GLP1R: variants seen among roughly 807,000 people sequenced by gnomAD.
GLP1R encodes glucagon-like peptide 1 receptor.
A neutral mutation model predicts 68.4 loss-of-function variants in GLP1R; 32 were observed. The ratio of observed to expected loss-of-function variants is 0.47; its 90% CI spans 0.35 to 0.63. The LOEUF is 0.63. Ranked by LOEUF, GLP1R falls within the 20% of genes least tolerant of loss-of-function variation. The pLI is 0.00. For missense variants in GLP1R, 502 were observed against 594.9 expected (o/e 0.84, Z 1.62); for synonymous variants, 263 against 244.4 (o/e 1.08, Z -0.71).
In GLP1R at chr6:39,078,391, C is replaced by T. The variant is rs756389720; in HGVS notation, c.884+9C>T. ...CTCTATGAGGACGAGGGGTGAGTGT[C>T]CTGCTCCAAGGGGGCGGGTGTGCCC... is the stretch of plus-strand genomic sequence containing the variant. On this transcript the variant is annotated intron_variant, in intron 8 of 12. Coordinates refer to ENST00000373256, the MANE Select transcript of GLP1R (RefSeq NM_002062.5). 14 of 1,603,778 alleles carry T rather than the reference C, an allele frequency of 8.7e-6. No homozygotes were observed. Among genetic ancestry groups the T allele is most frequent in the Non-Finnish European group, 1.1e-5 (13 of 1,170,612 alleles).
At chr6:39,063,610 T>C (rs1391198302) in intron 3 of GLP1R, among the ~76,000 whole-genome samples, 3 of 152,086 alleles carry the variant, frequency 2.0e-5, no homozygotes, top group Non-Finnish European at 4.4e-5. Context: ...AATTTCTGTG[T>C]CTTGAAGGGG....
chr6:39,063,087 G>C (rs571260141), intron 3 of GLP1R, among the ~76,000 whole-genome samples: 7 of 152,168 alleles, frequency 4.6e-5, no homozygotes, highest in African/African-American at 1.7e-4. Flanking sequence ...GTCTTTAGAT[G>C]GTTTGTGTGC....
intron 1 of GLP1R, among the ~76,000 whole-genome samples, chr6:39,051,163 TG>T (rs1768078934): frequency 6.6e-6 from 1 of 152,138 alleles, no homozygotes; most frequent in Non-Finnish European, 1.5e-5. Context: ...CAGACACAAC[TG>T]GATTCAAATA....
At chr6:39,082,441 G>A (rs997016777) in intron 12 of GLP1R, among the ~76,000 whole-genome samples, 4 of 152,164 alleles carry the variant, frequency 2.6e-5, no homozygotes, top group African/African-American at 7.2e-5. Flanking sequence ...TGCTGGGGAG[G>A]TGAAGGCAGC....
At chr6:39,066,112 C>G in intron 4 of GLP1R, 85 bp from the exon 5 acceptor site, 1 of 788,826 alleles carries the variant, frequency 1.3e-6, no homozygotes, top group East Asian at 2.6e-5. Flanking sequence ...GGGGCCCCAG[C>G]TCTGTCTCTG....
rs1383929150 is a variant in GLP1R at position 39,056,377 on chromosome 6, C to T, written c.79-20C>T. ...GGGCTGGCTGAACCCACAGGCCTCC[C>T]ATATATGCCCTCCCCCCAGGGTGCC... On this transcript the variant is annotated intron_variant, in intron 1 of 12. Coordinates refer to ENST00000373256, the MANE Select transcript of GLP1R (RefSeq NM_002062.5). The T allele has an allele frequency of 7.4e-7, 1 of 1,354,254 alleles. No individual in the cohort carries two copies. The highest frequency in any genetic ancestry group is 1.2e-5 in the South Asian group (1 of 85,380). 83.9% of individuals were successfully genotyped at this position (1,354,254 alleles called of 1,614,324 possible).
chr6:39,071,310 C>A (rs936447976), intron 5 of GLP1R, among the ~76,000 whole-genome samples: 1 of 134,638 alleles, frequency 7.4e-6, no homozygotes, highest in Non-Finnish European at 1.5e-5. Flanking sequence ...CACGTCACTG[C>A]ACTCCAGCTT....
At chr6:39,057,902 C>G (rs543548389) in intron 3 of GLP1R, among the ~76,000 whole-genome samples, 2 of 152,174 alleles carry the variant, frequency 1.3e-5, no homozygotes, top group East Asian at 1.9e-4. Context: ...GCTCCCTCCC[C>G]CACCGTCCCC....
intron 5 of GLP1R, among the ~76,000 whole-genome samples, chr6:39,068,704 T>TA (rs1768583591): frequency 6.6e-6 from 1 of 152,116 alleles, no homozygotes; most frequent in Non-Finnish European, 1.5e-5. Flanking sequence ...GCAGCTAGGG[T>TA]AGCCAAGGAG....
Position 39,079,109 on chromosome 6 carries a change from C to T in GLP1R, c.955-3C>T. 1.2e-6 allele frequency: 2 copies of T among 1,613,818 alleles called. No homozygotes were observed. The highest frequency in any genetic ancestry group is 1.7e-6 in the Non-Finnish European group (2 of 1,179,688). ...CCTGCCAATCCCCGGCCCCACCCCGCAGGTGAACTTCCTCATCTTTGTTCG... is the reference window on the plus strand; with the variant it reads ...CCTGCCAATCCCCGGCCCCACCCCGTAGGTGAACTTCCTCATCTTTGTTCG... On this transcript the variant is annotated splice_polypyrimidine_tract_variant and splice_region_variant and intron_variant, in intron 9 of 12. Coordinates refer to ENST00000373256, the MANE Select transcript of GLP1R (RefSeq NM_002062.5). This position sits in a 1 kb window ranked among gnomAD's most constrained non-coding sequence, Gnocchi z 4.5.
chr6:39,062,451 G>A (rs886660661), intron 3 of GLP1R, among the ~76,000 whole-genome samples: 1 of 152,242 alleles, frequency 6.6e-6, no homozygotes, highest in African/African-American at 2.4e-5. Context: ...GTAATTGACA[G>A]ATGCACTTGC....
At chr6:39,071,468 C>T (rs912554753) in intron 5 of GLP1R, among the ~76,000 whole-genome samples, 1 of 150,704 alleles carries the variant, frequency 6.6e-6, no homozygotes, top group Non-Finnish European at 1.5e-5. Context: ...CCTTGTGGTT[C>T]TTTGATCTGC....
In GLP1R at chr6:39,053,228, GC is replaced by G. The variant is rs561669383; in HGVS notation, c.79-3165del. Among the ~76,000 whole-genome samples the G allele has an allele frequency of 2.5e-3, 377 of 152,280 alleles. 3 individuals carry two copies. The highest frequency in any genetic ancestry group is 8.2e-3 in the African/African-American group (341 of 41,568). Reference sequence around the variant, plus strand: ...TCCTTCCCGCTACCCAGAACCCACAGCCCCACCTTGTCAGGCTTGCAGCAGG... The same window carrying G: ...TCCTTCCCGCTACCCAGAACCCACAGCCCACCTTGTCAGGCTTGCAGCAGG... On this transcript the variant is annotated intron_variant, in intron 1 of 12. Coordinates refer to ENST00000373256, the MANE Select transcript of GLP1R (RefSeq NM_002062.5).
chr6:39,067,120 C>G (rs1346841347), intron 5 of GLP1R, among the ~76,000 whole-genome samples: 1 of 152,188 alleles, frequency 6.6e-6, no homozygotes, highest in Non-Finnish European at 1.5e-5. Flanking sequence ...GGGTAACCCT[C>G]TCTGATCCCA....
intron 5 of GLP1R, among the ~76,000 whole-genome samples, chr6:39,070,414 G>A (rs934881843): frequency 2.6e-5 from 4 of 151,782 alleles, no homozygotes; most frequent in African/African-American, 9.7e-5. Flanking sequence ...TTTTCTTTCT[G>A]AATTACAAAT....
Position 39,073,694 on chromosome 6 carries a change from T to C in GLP1R, c.748T>C (p.Tyr250His). ...CTACTGGCTCTTGGTGGAGGGCGTG[T>C]ACCTGTACACACTGCTGGCCTTCTC... Reference protein sequence around the residue: ...NYYWLLVEGVYLYTLLAFSVL... With the variant: ...NYYWLLVEGVHLYTLLAFSVL... The change falls in exon 7 of 13, where the codon TAC (tyrosine) becomes CAC (histidine). Residue 250 changes from tyrosine to histidine, a missense_variant. By Grantham distance (83) the Tyr-to-His change is moderately conservative. Coordinates refer to ENST00000373256, the MANE Select transcript of GLP1R (RefSeq NM_002062.5). 1.9e-6 allele frequency: 3 copies of C among 1,613,762 alleles called. No homozygotes were observed. Among genetic ancestry groups the C allele is most frequent in the South Asian group, 2.2e-5 (2 of 91,072 alleles).
chr6:39,081,959 G>C (rs557270232), intron 12 of GLP1R, among the ~76,000 whole-genome samples: 1 of 152,316 alleles, frequency 6.6e-6, no homozygotes, highest in South Asian at 2.1e-4. Context: ...GCCCATCCTA[G>C]CTCCTCACAG....
At chr6:39,071,221 C>G (rs1768653938) in intron 5 of GLP1R, among the ~76,000 whole-genome samples, 1 of 151,828 alleles carries the variant, frequency 6.6e-6, no homozygotes, top group Non-Finnish European at 1.5e-5. Context: ...TGGCACCCGC[C>G]TGTAATCCCA....
chr6:39,081,654 G>A (rs1482074605), intron 12 of GLP1R, among the ~76,000 whole-genome samples: 1 of 152,208 alleles, frequency 6.6e-6, no homozygotes, highest in Non-Finnish European at 1.5e-5. Context: ...TGTGGGGGAT[G>A]CAGAAAGGAC....
Sources: allele counts gnomAD v4.1 joint callset (sites outside exome capture counted in the v4.1 genomes callset), GRCh38; gene constraint gnomAD v4.1.1; non-coding constraint Gnocchi (gnomAD v3.1); transcripts MANE v1.5; gene names NCBI Gene and HGNC (gene_info 2026-07-23, HGNC 2026-07-21).